VSTM4: variants seen among roughly 807,000 people sequenced by gnomAD.
VSTM4 encodes the protein V-set and transmembrane domain containing 4, also known as V-set and transmembrane domain-containing protein 4.
Under a neutral mutation model 36.4 loss-of-function variants are expected in VSTM4, and 20 were observed. The ratio of observed to expected loss-of-function variants is 0.55; its 90% confidence interval spans 0.39 to 0.80. VSTM4 has a LOEUF of 0.80. VSTM4 is among the 30% of genes least tolerant of loss of function. VSTM4 has a pLI of 0.00. For missense variants in VSTM4, 392 were observed against 404.5 expected, an observed-to-expected ratio of 0.97 and a Z score of 0.26; for synonymous variants, 182 against 173.9, an observed-to-expected ratio of 1.05 and a Z score of -0.37.
At chr10:49,043,537 A>C (rs2081603423) in intron 7 of VSTM4, among the ~76,000 whole-genome samples, 1 of 152,230 alleles carries the variant, frequency 6.6e-6, no homozygotes, top group Admixed American at 6.5e-5. Flanking sequence ...AAAGTTTATG[A>C]ATCTAGAATT....
chr10:49,023,132 CT>C (rs2131930977), intron 7 of VSTM4, among the ~76,000 whole-genome samples: 1 of 152,318 alleles, frequency 6.6e-6, no homozygotes, highest in African/African-American at 2.4e-5. Context: ...AATCATTTCC[CT>C]TATGCATATT....
At chr10:49,102,828 C>G in intron 2 of VSTM4, 3 of 810,438 alleles carry the variant, frequency 3.7e-6, no homozygotes, top group Non-Finnish European at 4.5e-6. Context: ...TGCAGGCATT[C>G]ATTGTTATCA....
At chr10:49,029,617 T>C (rs1843314688) in intron 7 of VSTM4, among the ~76,000 whole-genome samples, 1 of 152,212 alleles carries the variant, frequency 6.6e-6, no homozygotes, top group African/African-American at 2.4e-5. Context: ...GTGAATGCCT[T>C]GTATCCAGGT....
intron 7 of VSTM4, among the ~76,000 whole-genome samples, chr10:49,039,733 C>T (rs1048204456): frequency 6.6e-6 from 1 of 152,168 alleles, no homozygotes; most frequent in African/African-American, 2.4e-5. Flanking sequence ...CACTTGCCAC[C>T]TTCCAGTTAA....
intron 1 of VSTM4, among the ~76,000 whole-genome samples, chr10:49,108,489 C>A (rs1844832515): frequency 6.6e-6 from 1 of 152,158 alleles, no homozygotes; most frequent in Non-Finnish European, 1.5e-5. Context: ...CAGGGTAGGG[C>A]CCTCTCTCTG....
intron 2 of VSTM4, among the ~76,000 whole-genome samples, chr10:49,107,277 GTTTACCTTTGACAGCACACAGCAGT>G: frequency 1.3e-5 from 2 of 152,214 alleles, no homozygotes; most frequent in Non-Finnish European, 2.9e-5. Context: ...GTCCAGCTTT[GTTTACCTTTGACAGCACACAGCAGT>G]CCAACTTCAG....
intron 4 of VSTM4, among the ~76,000 whole-genome samples, chr10:49,076,269 C>T (rs1404051517): frequency 6.6e-6 from 1 of 152,198 alleles, no homozygotes; most frequent in Non-Finnish European, 1.5e-5. Context: ...AACATAAAAG[C>T]AGGACATTCG....
At chr10:49,031,931 C>T (rs919124550) in intron 7 of VSTM4, among the ~76,000 whole-genome samples, 1 of 152,070 alleles carries the variant, frequency 6.6e-6, no homozygotes, top group African/African-American at 2.4e-5. Flanking sequence ...GACCTTTGCC[C>T]AGGCTGTGCT....
chr10:49,068,700 G>A (rs1329283632), intron 4 of VSTM4, among the ~76,000 whole-genome samples: 1 of 152,170 alleles, frequency 6.6e-6, no homozygotes, highest in Non-Finnish European at 1.5e-5. Context: ...GCCTCCCCAA[G>A]AAGCAGAAAT....
In VSTM4 at chr10:49,014,308, CTAAT is replaced by C. The variant is rs1843071208; in HGVS notation, c.*5338_*5341del. ...CATTTAACCAAAGCTGTAAACATCT[CTAAT>C]TATATTTAAAACTGTAGAGTGCAGT... On this transcript the variant is annotated 3_prime_UTR_variant, in exon 8 of 8. Transcript: ENST00000332853. The C allele has an allele frequency of 6.6e-6, 1 of 152,194 alleles. No homozygotes were observed. Among genetic ancestry groups the C allele is most frequent in the Admixed American group, 6.5e-5 (1 of 15,284 alleles). The allele number at this position is 152,194 out of a possible 1,614,324, so 9.4% of individuals were successfully genotyped here.
rs147568311 is a variant in VSTM4, at chr10:49,107,894, G to A, written c.157C>T (p.Arg53Trp). The A allele has an allele frequency of 4.1e-5, 66 of 1,614,168 alleles. No homozygotes were observed. The highest frequency in any genetic ancestry group is 2.7e-4 in the Admixed American group (16 of 60,022). The change falls in exon 2 of 8, where the codon CGG becomes TGG. Residue 53 changes from arginine to tryptophan, a missense_variant. Arg to Trp is a moderately radical substitution (Grantham distance 101, BLOSUM62 -3). Transcript: ENST00000332853. ...TLLCHVSQKRRKDSLLAVRWF... is the reference protein window; with the variant it reads ...TLLCHVSQKRWKDSLLAVRWF... ...CGCACGGCCAGCAAGCTGTCCTTCC[G>A]CCTTTTCTGGGAGACGTGGCAGAGG... is the stretch of plus-strand genomic sequence containing the variant.
intron 4 of VSTM4, among the ~76,000 whole-genome samples, chr10:49,067,042 A>G (rs1843986206): frequency 6.6e-6 from 1 of 152,194 alleles, no homozygotes; most frequent in Non-Finnish European, 1.5e-5. Context: ...TTTTTTTCTC[A>G]TGATGGCTTT....
In VSTM4 at chr10:49,112,172, G is replaced by T. The variant is rs1478312621; in HGVS notation, c.55+3259C>A. 3.3e-5 allele frequency among the ~76,000 whole-genome samples: 5 copies of T among 152,174 alleles called. No individual in the cohort carries two copies. The East Asian group carries it at 9.6e-4, about 29-fold the overall frequency. On this transcript the variant is annotated intron_variant, in intron 1 of 7. Coordinates refer to ENST00000332853, the MANE Select transcript of VSTM4 (RefSeq NM_001031746.5). ...GTCAGGTTCCCCAAGGCCACTTTTT[G>T]AAGGAGGAATATAACAAAACTGATA... is the stretch of plus-strand genomic sequence containing the variant.
At position 49,107,876 on chromosome 10, in the gene VSTM4, C is replaced by T. The variant is rs1452624657; in HGVS notation, c.175G>A (p.Ala59Thr). ...SQKRRKDSLL[A>T]VRWFFAHSFD... is the part of the protein sequence containing the mutation. ...GAGTGTGCAAAGAACCAGCGCACGG[C>T]CAGCAAGCTGTCCTTCCGCCTTTTC... Residue 59 changes from alanine to threonine, a missense_variant, in exon 2 of 8, where the codon GCC becomes ACC. Coordinates refer to ENST00000332853, the MANE Select transcript of VSTM4 (RefSeq NM_001031746.5). 3 of 1,614,112 alleles carry T rather than the reference C, an allele frequency of 1.9e-6. No homozygotes were observed. The Admixed American group carries it at 5.0e-5, about 27-fold the overall frequency.
intron 7 of VSTM4, among the ~76,000 whole-genome samples, chr10:49,045,334 T>C (rs1171480648): frequency 6.6e-6 from 1 of 152,096 alleles, no homozygotes; most frequent in Non-Finnish European, 1.5e-5. Context: ...TATCAAGGAA[T>C]TAGTGAACAA....
intron 7 of VSTM4, among the ~76,000 whole-genome samples, chr10:49,045,659 G>A (rs1843596453): frequency 1.3e-5 from 2 of 152,178 alleles, no homozygotes. Context: ...TGGACTCAGG[G>A]ACTGGCCTCT....
chr10:49,085,577 T>A (rs1018731612), intron 3 of VSTM4, among the ~76,000 whole-genome samples: 1 of 152,232 alleles, frequency 6.6e-6, no homozygotes, highest in Non-Finnish European at 1.5e-5. Flanking sequence ...ACTGGTGCTT[T>A]AACTTCCACT....
chr10:49,017,655 G>A lies in VSTM4; in HGVS notation c.*1995C>T, dbSNP rs1410722324. On this transcript the variant is annotated 3_prime_UTR_variant, in exon 8 of 8. Coordinates refer to ENST00000332853, the MANE Select transcript of VSTM4 (RefSeq NM_001031746.5). ...TTCTGTAGAGGCCTAAGGGGCCTGG[G>A]AAGATATTACCCCCTGGCCTGTTGC... 6.6e-6 allele frequency: 1 copy of A among 152,148 alleles called. No individual in the cohort carries two copies. Among genetic ancestry groups the A allele is most frequent in the African/African-American group, 2.4e-5 (1 of 41,414 alleles). The allele number at this position is 152,148 out of a possible 1,614,324, so 9.4% of individuals were successfully genotyped here. A position where few individuals can be genotyped will look rare whatever the true frequency, so the allele number is the denominator to read the frequency against.
At chr10:49,112,735 T>A (rs527871265) in intron 1 of VSTM4, among the ~76,000 whole-genome samples, 3 of 152,352 alleles carry the variant, frequency 2.0e-5, no homozygotes, top group Admixed American at 2.0e-4. Context: ...TTTTAATACA[T>A]TTTAACAAGG....
Sources: gnomAD v4.1 joint callset for allele counts (sites outside exome capture counted in the v4.1 genomes callset) on GRCh38, gnomAD v4.1.1 for gene constraint, MANE v1.5 for transcripts, NCBI Gene and HGNC (gene_info 2026-07-23, HGNC 2026-07-21) for gene names.